Variants in UNC5D observed in about 807,000 individuals in gnomAD.
UNC5D encodes unc-5 netrin receptor D.
A neutral mutation model predicts 105.4 loss-of-function variants in UNC5D; 39 were observed. That is an observed-to-expected ratio of 0.37 (90% CI 0.29 to 0.48). The LOEUF is 0.48. Ranked by LOEUF, UNC5D falls within the 20% of genes least tolerant of loss-of-function variation. The probability of loss-of-function intolerance (pLI) is 0.98; values close to 1 mark genes in which losing one functional copy is unlikely to be tolerated. For synonymous variants in UNC5D, 452 were observed against 450.4 expected (o/e 1.00, Z -0.04); for missense variants, 991 against 1,202.4 (o/e 0.82, Z 2.60).
chr8:35,278,585 TATTA>T (rs139942721), intron 1 of UNC5D, among the ~76,000 whole-genome samples: 54,218 of 151,666 alleles, frequency 0.36, 10,761 homozygotes, highest in Middle Eastern at 0.46. Context: ...TAAATTTATT[TATTA>T]TTTATTATTT....
intron 1 of UNC5D, among the ~76,000 whole-genome samples, chr8:35,330,217 A>G (rs1453884068): frequency 1.3e-5 from 2 of 152,346 alleles, no homozygotes; most frequent in East Asian, 3.9e-4. Flanking sequence ...TGTCTAATGC[A>G]ATATTTGTCA....
intron 13 of UNC5D, among the ~76,000 whole-genome samples, chr8:35,754,290 C>T (rs879413247): frequency 1.2e-4 from 19 of 152,054 alleles, no homozygotes; most frequent in Non-Finnish European, 2.2e-4. Context: ...CAGAAATTGC[C>T]CACCCTGGAA....
intron 8 of UNC5D, among the ~76,000 whole-genome samples, chr8:35,714,213 GA>G (rs897313239): frequency 4.6e-5 from 7 of 152,286 alleles, no homozygotes; most frequent in African/African-American, 1.7e-4. Context: ...ATGACTCTTT[GA>G]TCTTGAGCCA....
At chr8:35,458,161 C>T (rs553397036) in intron 1 of UNC5D, among the ~76,000 whole-genome samples, 130 of 152,240 alleles carry the variant, frequency 8.5e-4, no homozygotes, top group African/African-American at 3.0e-3. Context: ...AATGTTAGAG[C>T]AGGACCTTAG....
intron 1 of UNC5D, among the ~76,000 whole-genome samples, chr8:35,465,510 A>G (rs116177265): frequency 4.8e-4 from 73 of 151,198 alleles, no homozygotes; most frequent in African/African-American, 1.7e-3. Flanking sequence ...CCAACCTCAA[A>G]AAAATATTGT....
chr8:35,369,467 G>A (rs943330738), intron 1 of UNC5D, among the ~76,000 whole-genome samples: 1 of 151,156 alleles, frequency 6.6e-6, no homozygotes, highest in East Asian at 1.9e-4. Context: ...AGAAAGGTTG[G>A]ACAAGAGTTC....
chr8:35,705,934 A>G lies in UNC5D; in HGVS notation c.1090A>G (p.Lys364Glu). 1 of 1,332,004 alleles carries G rather than the reference A, an allele frequency of 7.5e-7. No individual in the cohort carries two copies. The highest frequency in any genetic ancestry group is 1.9e-5 in the Admixed American group (1 of 51,612). 82.5% of individuals were successfully genotyped at this position (1,332,004 alleles called of 1,614,324 possible). A position where few individuals can be genotyped will look rare whatever the true frequency, so the allele number is the denominator to read the frequency against. The change falls in exon 8 of 17, where the codon AAA becomes GAA. Residue 364 changes from lysine (K) to glutamate (E), a missense_variant. This residue lies in a region of UNC5D where 944 missense variants were observed against 1,131.6 expected (regional missense o/e 0.83). Transcript: ENST00000404895. ...CTDGLCILDK[K>E]PLHEIKPQSI... is the part of the protein sequence containing the mutation. ...TCTTTCTTTCTTTCTTTTAGATAAA[A>G]AACCTCTTCATGAAATAAAACCCCA...
At chr8:35,300,144 T>C (rs563316774) in intron 1 of UNC5D, among the ~76,000 whole-genome samples, 3 of 151,922 alleles carry the variant, frequency 2.0e-5, no homozygotes, top group Non-Finnish European at 4.4e-5. Context: ...TTAGTTTAGC[T>C]TGGCCTTTAG....
chr8:35,249,259 C>T (rs1013546756), intron 1 of UNC5D, among the ~76,000 whole-genome samples: 1 of 148,766 alleles, frequency 6.7e-6, no homozygotes. Flanking sequence ...ACTGGATATA[C>T]TTTTAAAAGC....
chr8:35,556,191 T>C (rs751634579), intron 2 of UNC5D, among the ~76,000 whole-genome samples: 2 of 152,282 alleles, frequency 1.3e-5, no homozygotes, highest in African/African-American at 2.4e-5. Flanking sequence ...ATGATGAATA[T>C]AAAATAGCTA....
chr8:35,265,900 T>TC (rs1186566934), intron 1 of UNC5D, among the ~76,000 whole-genome samples: 45 of 147,114 alleles, frequency 3.1e-4, no homozygotes, highest in African/African-American at 1.1e-3. Flanking sequence ...ATAATAATAA[T>TC]AATAATATAT....
chr8:35,639,471 A>C (rs1316444118), intron 4 of UNC5D, among the ~76,000 whole-genome samples: 2 of 152,318 alleles, frequency 1.3e-5, no homozygotes, highest in Admixed American at 1.3e-4. Context: ...AAATAGTCAT[A>C]ATATGGTGAA....
chr8:35,501,076 GT>G (rs1252960376), intron 1 of UNC5D, among the ~76,000 whole-genome samples: 1 of 152,168 alleles, frequency 6.6e-6, no homozygotes, highest in Non-Finnish European at 1.5e-5. Flanking sequence ...TTGTTACATA[GT>G]AGTTGCTCAA....
At chr8:35,502,550 T>C (rs1166544359) in intron 1 of UNC5D, among the ~76,000 whole-genome samples, 1 of 152,082 alleles carries the variant, frequency 6.6e-6, no homozygotes, top group African/African-American at 2.4e-5. Context: ...ATTCTCTTCG[T>C]TTTTTTGTTT....
intron 4 of UNC5D, among the ~76,000 whole-genome samples, chr8:35,679,091 A>C (rs540517024): frequency 1.3e-5 from 2 of 152,076 alleles, no homozygotes; most frequent in Non-Finnish European, 2.9e-5. Context: ...TCTACAAAAA[A>C]TAAAAATAAA....
At chr8:35,455,056 C>A (rs187487992) in intron 1 of UNC5D, among the ~76,000 whole-genome samples, 131 of 152,138 alleles carry the variant, frequency 8.6e-4, no homozygotes, top group African/African-American at 3.1e-3. Context: ...GATGGAAATT[C>A]TTAGGGTCTA....
chr8:35,274,655 T>C (rs891631353), intron 1 of UNC5D, among the ~76,000 whole-genome samples: 5 of 152,330 alleles, frequency 3.3e-5, no homozygotes, highest in Admixed American at 3.3e-4. Context: ...TTCATCATTT[T>C]ATTTGTCTCC....
chr8:35,339,222 T>A (rs1811275187), intron 1 of UNC5D, among the ~76,000 whole-genome samples: 2 of 152,170 alleles, frequency 1.3e-5, no homozygotes, highest in African/African-American at 4.8e-5. Context: ...AATTGAGTGG[T>A]TAATGGTATA....
chr8:35,260,146 C>T (rs1165501749), intron 1 of UNC5D, among the ~76,000 whole-genome samples: 2 of 152,108 alleles, frequency 1.3e-5, no homozygotes, highest in Non-Finnish European at 1.5e-5. Context: ...TTCAGAGTGA[C>T]AGGTATAGTT....
Sources: gnomAD v4.1 joint callset for allele counts (sites outside exome capture counted in the v4.1 genomes callset) on GRCh38, gnomAD v4.1.1 for gene constraint, gnomAD v4.1.1 regional missense constraint, MANE v1.5 for transcripts, NCBI Gene and HGNC (gene_info 2026-07-23, HGNC 2026-07-21) for gene names.